LNX2: variants seen among roughly 807,000 people sequenced by gnomAD.
The protein encoded by LNX2 is ligand of Numb protein X 2.
Under a neutral mutation model 66.2 loss-of-function variants are expected in LNX2, and 35 were observed. The ratio of observed to expected loss-of-function variants is 0.53; its 90% CI spans 0.40 to 0.70. The LOEUF is 0.70. LNX2 is among the 30% of genes least tolerant of loss of function. LNX2 has a pLI of 0.00. For missense variants in LNX2, 791 were observed against 850.8 expected, an observed-to-expected ratio of 0.93 and a Z score of 0.87; for synonymous variants, 337 against 315.6, an observed-to-expected ratio of 1.07 and a Z score of -0.72.
At chr13:27,595,456 G>C (rs753341533) in intron 1 of LNX2, among the ~76,000 whole-genome samples, 2 of 144,336 alleles carry the variant, frequency 1.4e-5, no homozygotes, top group Non-Finnish European at 3.0e-5. Flanking sequence ...TAATAAACCT[G>C]AGGAAAGGGA....
chr13:27,571,190 T>G (rs1052865936), intron 2 of LNX2, among the ~76,000 whole-genome samples: 1 of 152,106 alleles, frequency 6.6e-6, no homozygotes, highest in South Asian at 2.1e-4. Context: ...ATTGAACAAC[T>G]AGACAGAAGG....
intron 6 of LNX2, among the ~76,000 whole-genome samples, chr13:27,557,772 A>G (rs1307420883): frequency 6.6e-6 from 1 of 152,102 alleles, no homozygotes; most frequent in African/African-American, 2.4e-5. Context: ...TAATAGCAGC[A>G]TAGTATTCCC....
chr13:27,585,601 C>G (rs1368214140), intron 1 of LNX2, among the ~76,000 whole-genome samples: 1 of 152,094 alleles, frequency 6.6e-6, no homozygotes, highest in Admixed American at 6.5e-5. Flanking sequence ...AGTGCAAGTA[C>G]ATGAGATTAA....
chr13:27,576,965 T>C (rs181165814), intron 2 of LNX2, among the ~76,000 whole-genome samples: 2 of 152,288 alleles, frequency 1.3e-5, no homozygotes, highest in East Asian at 1.9e-4. Flanking sequence ...AAAAATTAGA[T>C]ATTTGTTCTT....
At chr13:27,594,929 C>G (rs1410214565) in intron 1 of LNX2, among the ~76,000 whole-genome samples, 3 of 152,142 alleles carry the variant, frequency 2.0e-5, no homozygotes, top group Admixed American at 6.5e-5. Context: ...TCTGTCCTAC[C>G]TTCCGTCACA....
intron 1 of LNX2, among the ~76,000 whole-genome samples, chr13:27,614,970 C>T (rs1955811167): frequency 1.3e-5 from 2 of 152,116 alleles, no homozygotes; most frequent in Non-Finnish European, 2.9e-5. Flanking sequence ...ACACAACAGT[C>T]ATCAACACAG....
At chr13:27,603,034 G>T (rs1279289975) in intron 1 of LNX2, among the ~76,000 whole-genome samples, 2 of 152,066 alleles carry the variant, frequency 1.3e-5, no homozygotes, top group Non-Finnish European at 2.9e-5. Flanking sequence ...GAAGTCACAT[G>T]ATTTAAACTA....
intron 1 of LNX2, among the ~76,000 whole-genome samples, chr13:27,615,042 C>T (rs1399378100): frequency 6.6e-6 from 1 of 152,036 alleles, no homozygotes; most frequent in Non-Finnish European, 1.5e-5. Flanking sequence ...CAGTGGACAC[C>T]AGCTGAGTGT....
chr13:27,560,098 C>G, intron 5 of LNX2, 113 bp from the exon 6 acceptor site: 1 of 889,690 alleles, frequency 1.1e-6, no homozygotes. Context: ...AGGGCGTCAT[C>G]TGGACAGTGA....
At chr13:27,591,021 C>T (rs1042625699) in intron 1 of LNX2, among the ~76,000 whole-genome samples, 26 of 151,972 alleles carry the variant, frequency 1.7e-4, no homozygotes, top group African/African-American at 6.3e-4. Context: ...TACACACACA[C>T]ATATACATAT....
intron 4 of LNX2, among the ~76,000 whole-genome samples, chr13:27,566,416 C>A (rs1355527633): frequency 2.0e-5 from 3 of 152,074 alleles, no homozygotes; most frequent in Non-Finnish European, 4.4e-5. Flanking sequence ...TAGTATAGTG[C>A]CTAGAATGTT....
Position 27,619,525 on chromosome 13 carries a change from CA to C in LNX2, c.-101+849del, listed in dbSNP as rs1268704346. On this transcript the variant is annotated intron_variant, in intron 1 of 9. Coordinates refer to ENST00000316334, the MANE Select transcript of LNX2 (RefSeq NM_153371.4). The stretch of plus-strand genomic sequence containing the variant: ...GGCAGTTCCAATAAGCTGGAGCTCA[CA>C]AGTGTTCCTCCTCCTGCACCGCCAC... Among the ~76,000 whole-genome samples, 12 of 152,328 alleles carry C rather than the reference CA, an allele frequency of 7.9e-5. No homozygotes were observed. In the South Asian group the frequency reaches 2.5e-3, roughly 32 times the overall value.
chr13:27,562,472 C>T lies in LNX2; in HGVS notation c.1165G>A (p.Ala389Thr), dbSNP rs148429804. The change falls in exon 5 of 10, where the codon GCC becomes ACC. Residue 389 changes from alanine to threonine, a missense_variant. Coordinates refer to ENST00000316334, the MANE Select transcript of LNX2 (RefSeq NM_153371.4). ...TACTTCAGGTCGTGCCCATTGATGG[C>T]CAGCACTCGGTCATTGCTGCTTAGC... ...GRLSSNDRVLAINGHDLKYGT... is the reference protein window; with the variant it reads ...GRLSSNDRVLTINGHDLKYGT... 3.1e-4 allele frequency: 501 copies of T among 1,614,170 alleles called. 1 individual carries two copies. Among genetic ancestry groups the T allele is most frequent in the Non-Finnish European group, 3.3e-4 (389 of 1,180,000 alleles).
In LNX2 at chr13:27,553,414, G is replaced by A. The variant is rs760143017; in HGVS notation, c.1572C>T (p.Gly524=). 1 of 1,614,056 alleles carries A rather than the reference G, an allele frequency of 6.2e-7. No individual in the cohort carries two copies. Among genetic ancestry groups the A allele is most frequent in the Non-Finnish European group, 8.5e-7 (1 of 1,179,962 alleles). ...TGTGACTTAAATTGGTCAAATCAAT[G>A]CCGTTGATATTTAGCAACACATCAC... ...KRGDVLLNIN[G]IDLTNLSHSE... The change falls in exon 8 of 10, where the codon GGC becomes GGT. Residue 524 remains glycine, a synonymous_variant. Transcript: ENST00000316334.
At chr13:27,616,573 G>C (rs1040041068) in intron 1 of LNX2, among the ~76,000 whole-genome samples, 1 of 152,092 alleles carries the variant, frequency 6.6e-6, no homozygotes, top group African/African-American at 2.4e-5. Flanking sequence ...TTTATTTTTG[G>C]TTTACAATAC....
intron 1 of LNX2, among the ~76,000 whole-genome samples, chr13:27,617,532 A>G (rs1441484328): frequency 6.6e-6 from 1 of 152,220 alleles, no homozygotes; most frequent in Non-Finnish European, 1.5e-5. Flanking sequence ...CCAGATTACA[A>G]GAGCCTGGAG....
chr13:27,619,450 G>A (rs1268772414), intron 1 of LNX2, among the ~76,000 whole-genome samples: 3 of 152,204 alleles, frequency 2.0e-5, no homozygotes, highest in East Asian at 1.9e-4. Context: ...CTGGGAAGAA[G>A]GCCAATTTAC....
Position 27,567,726 on chromosome 13 carries a change from A to G in LNX2, c.769T>C (p.Leu257=). The G allele has an allele frequency of 1.9e-6, 3 of 1,613,936 alleles. No homozygotes were observed. Among genetic ancestry groups the G allele is most frequent in the Non-Finnish European group, 1.7e-6 (2 of 1,179,938 alleles). ...ACCTCCTGGATGACAATGTTAATCAAAGGTGTTTCGTTGCCACCCACAATG... is the reference window on the plus strand; with the variant it reads ...ACCTCCTGGATGACAATGTTAATCAGAGGTGTTTCGTTGCCACCCACAATG... ...ISIVGGNETP[L]INIVIQEVYR... is the part of the protein sequence containing the mutation. Residue 257 remains leucine (L), a synonymous_variant, in exon 4 of 10, where the codon TTG becomes CTG. Coordinates refer to ENST00000316334, the MANE Select transcript of LNX2 (RefSeq NM_153371.4).
chr13:27,569,424 C>G lies in LNX2; in HGVS notation c.408-148G>C, dbSNP rs1955250309. The G allele has an allele frequency of 5.3e-6, 4 of 759,712 alleles. No individual in the cohort carries two copies. In the South Asian group the frequency reaches 7.3e-5, roughly 14 times the overall value. 47.1% of individuals were successfully genotyped at this position (759,712 alleles called of 1,614,324 possible). ...CACATAGTTCTGATCCTAATCTCCA[C>G]TCACACTAAGTTCTTACTGCTCCAT... is the stretch of plus-strand genomic sequence containing the variant. On this transcript the variant is annotated intron_variant, in intron 2 of 9. Coordinates refer to ENST00000316334, the MANE Select transcript of LNX2 (RefSeq NM_153371.4).
Sources: allele counts gnomAD v4.1 joint callset (sites outside exome capture counted in the v4.1 genomes callset), GRCh38; gene constraint gnomAD v4.1.1; transcripts MANE v1.5; gene names NCBI Gene and HGNC (gene_info 2026-07-23, HGNC 2026-07-21).